The following ZBTB49 variants were observed in gnomAD, a reference collection of about 807,000 sequenced individuals.
ZBTB49 encodes zinc finger and BTB domain containing 49, also known as zinc finger and BTB domain-containing protein 49.
In ZBTB49, 43 loss-of-function variants were observed where a neutral mutation model predicts 57.5. The observed-to-expected ratio is 0.75, with a 90% CI of 0.59 to 0.97. The LOEUF is 0.97. Ranked by LOEUF, ZBTB49 falls within the 50% of genes least tolerant of loss-of-function variation. ZBTB49 has a pLI of 0.00. For synonymous variants in ZBTB49, 369 were observed against 362.1 expected (o/e 1.02, Z -0.22); for missense variants, 938 against 947.7 (o/e 0.99, Z 0.13).
In ZBTB49 at chr4:4,300,009, G is replaced by C. The variant is rs1285726105; in HGVS notation, c.64G>C (p.Gly22Arg). The C allele has an allele frequency of 6.2e-7, 1 of 1,614,042 alleles. No homozygotes were observed. The highest frequency in any genetic ancestry group is 8.5e-7 in the Non-Finnish European group (1 of 1,180,042). Residue 22 changes from glycine (G) to arginine (R), a missense_variant, in exon 2 of 8, where the codon GGC becomes CGC. Transcript: ENST00000337872. ...LQQLHEQRIQ[G>R]LLCDCMLVVK... ...GCAACTGCATGAGCAGCGAATCCAA[G>C]GCCTGCTTTGTGACTGTATGTTGGT...
chr4:4,311,475 T>C (rs1720977629), intron 4 of ZBTB49, among the ~76,000 whole-genome samples: 1 of 152,246 alleles, frequency 6.6e-6, no homozygotes, highest in African/African-American at 2.4e-5. Context: ...ATATTGAATA[T>C]TCAAAACACA....
At chr4:4,294,380 G>A (rs1443806479) in intron 1 of ZBTB49, among the ~76,000 whole-genome samples, 1 of 152,094 alleles carries the variant, frequency 6.6e-6, no homozygotes, top group African/African-American at 2.4e-5. Flanking sequence ...ATTTTGAGAT[G>A]GAGTCTCGTT....
chr4:4,295,493 C>T (rs1475198287), intron 1 of ZBTB49, among the ~76,000 whole-genome samples: 1 of 152,128 alleles, frequency 6.6e-6, no homozygotes, highest in Admixed American at 6.5e-5. Context: ...ATATGATATG[C>T]TTAGCACAGG....
chr4:4,314,934 C>T (rs1372019554), intron 5 of ZBTB49, among the ~76,000 whole-genome samples: 2 of 152,216 alleles, frequency 1.3e-5, no homozygotes, highest in African/African-American at 4.8e-5. Context: ...ATCACCTGCA[C>T]ACAGCATCTG....
In ZBTB49 at chr4:4,321,429, G is replaced by A. The variant is rs1449944501; in HGVS notation, c.*113G>A. On this transcript the variant is annotated 3_prime_UTR_variant, in exon 8 of 8. Transcript: ENST00000337872. Reference sequence around the variant, plus strand: ...GTGCCTTCTAACTAGCCAGAGAATAGGTAGCTTCCCTCCTGATGATGGCTC... The same window carrying A: ...GTGCCTTCTAACTAGCCAGAGAATAAGTAGCTTCCCTCCTGATGATGGCTC... 7 of 1,112,406 alleles carry A rather than the reference G, an allele frequency of 6.3e-6. No homozygotes were observed. Among genetic ancestry groups the A allele is most frequent in the Non-Finnish European group, 9.0e-6 (7 of 778,366 alleles). 68.9% of individuals were successfully genotyped at this position (1,112,406 alleles called of 1,614,324 possible). A position where few individuals can be genotyped will look rare whatever the true frequency, so the allele number is the denominator to read the frequency against.
intron 1 of ZBTB49, among the ~76,000 whole-genome samples, chr4:4,295,253 G>A (rs533867201): frequency 2.0e-5 from 3 of 152,294 alleles, no homozygotes; most frequent in African/African-American, 4.8e-5. Flanking sequence ...GGCAGAAGGC[G>A]AAGGGGAAGC....
At chr4:4,316,120 C>T in intron 7 of ZBTB49, 150 bp downstream of exon 7, 3 of 1,079,606 alleles carry the variant, frequency 2.8e-6, no homozygotes, top group South Asian at 3.3e-5. Context: ...TTCATTCCTG[C>T]ATTTGTGTGT....
chr4:4,318,680 G>C (rs1721285248), intron 7 of ZBTB49, among the ~76,000 whole-genome samples: 1 of 152,198 alleles, frequency 6.6e-6, no homozygotes, highest in Non-Finnish European at 1.5e-5. Context: ...AGCAGCCACC[G>C]TGTGCAGCAG....
rs764050716 is a variant in ZBTB49 at position 4,320,878 on chromosome 4, C to T, written c.1860C>T (p.Asp620=). The T allele has an allele frequency of 1.9e-6, 3 of 1,614,100 alleles. No individual in the cohort carries two copies. In the African/African-American group the frequency reaches 4.0e-5, roughly 22 times the overall value. ...KSQSSDSFSQ[D]TSVTLMPVSV... The stretch of plus-strand genomic sequence containing the variant: ...AGAGCTCAGACTCTTTCTCCCAAGA[C>T]ACGTCTGTGACGCTGATGCCAGTGT... Residue 620 remains aspartate (D), a synonymous_variant, in exon 8 of 8, where the codon GAC becomes GAT. Transcript: ENST00000337872.
chr4:4,305,816 T>A (rs919093184), intron 3 of ZBTB49, among the ~76,000 whole-genome samples: 1 of 152,236 alleles, frequency 6.6e-6, no homozygotes, highest in Non-Finnish European at 1.5e-5. Context: ...GGGATCGTGC[T>A]GTTCAGCAGG....
chr4:4,302,632 C>G lies in ZBTB49; in HGVS notation c.796C>G (p.Leu266Val). 1 of 1,612,384 alleles carries G rather than the reference C, an allele frequency of 6.2e-7. No homozygotes were observed. The part of the protein sequence containing the change: ...PCAVSHSECI[L>V]ESPEHLPSNF... Reference sequence around the variant, plus strand: ...TGCCGTCAGTCATTCTGAATGCATCCTGGAGTCTCCCGAGCACTTACCTTC... The same window carrying G: ...TGCCGTCAGTCATTCTGAATGCATCGTGGAGTCTCCCGAGCACTTACCTTC... Residue 266 changes from leucine to valine, a missense_variant, in exon 3 of 8, where the codon CTG becomes GTG. Coordinates refer to ENST00000337872, the MANE Select transcript of ZBTB49 (RefSeq NM_145291.4).
chr4:4,320,668 C>G lies in ZBTB49; in HGVS notation c.1650C>G (p.Leu550=). 1 of 1,614,144 alleles carries G rather than the reference C, an allele frequency of 6.2e-7. No homozygotes were observed. Among genetic ancestry groups the G allele is most frequent in the Non-Finnish European group, 8.5e-7 (1 of 1,180,038 alleles). Residue 550 remains leucine (L), a synonymous_variant, in exon 8 of 8, where the codon CTC becomes CTG. Coordinates refer to ENST00000337872, the MANE Select transcript of ZBTB49 (RefSeq NM_145291.4). ...AATGTTTTGGGGGATCAGGTGACCT[C>G]CGCAGGCATGTCCGCACTCACACTG... ...CGKCFGGSGD[L]RRHVRTHTGE...
intron 4 of ZBTB49, among the ~76,000 whole-genome samples, chr4:4,312,277 T>C (rs1250213313): frequency 6.6e-6 from 1 of 152,266 alleles, no homozygotes; most frequent in African/African-American, 2.4e-5. Flanking sequence ...CCAAACCTAA[T>C]TCGAAACATT....
intron 5 of ZBTB49, among the ~76,000 whole-genome samples, chr4:4,314,661 C>T (rs1464033851): frequency 3.9e-5 from 6 of 152,216 alleles, no homozygotes; most frequent in East Asian, 1.9e-4. Flanking sequence ...CGTGAGCCAC[C>T]GTGCCCAGCC....
chr4:4,306,114 A>G, intron 3 of ZBTB49, 24 bp from the exon 4 acceptor site: 3 of 1,606,944 alleles, frequency 1.9e-6, no homozygotes, highest in Non-Finnish European at 2.6e-6. Flanking sequence ...TGATTTTACA[A>G]GTTGTTGTTT....
At chr4:4,308,769 A>G (rs1443617312) in intron 4 of ZBTB49, among the ~76,000 whole-genome samples, 2 of 152,222 alleles carry the variant, frequency 1.3e-5, no homozygotes, top group Non-Finnish European at 2.9e-5. Context: ...AGACGTGTAA[A>G]TGATCGAGTA....
intron 5 of ZBTB49, 31 bp from the exon 6 acceptor site, chr4:4,315,605 C>T (rs373388689): frequency 6.2e-7 from 1 of 1,607,798 alleles, no homozygotes; most frequent in Non-Finnish European, 8.5e-7. Context: ...TGTGGAAAGG[C>T]TCTTAATTGA....
Position 4,307,739 on chromosome 4 carries a change from C to T in ZBTB49, c.1302+1555C>T, listed in dbSNP as rs377024103. ...GGTTTGATGGGAAAAGCATGAGACT[C>T]GGACTAATGACCATGAATAATTAGC... On this transcript the variant is annotated intron_variant, in intron 4 of 7. Transcript: ENST00000337872. Among the ~76,000 whole-genome samples the T allele has an allele frequency of 1.0e-3, 153 of 152,152 alleles. 1 individual carries two copies. Among genetic ancestry groups the T allele is most frequent in the African/African-American group, 3.2e-3 (134 of 41,506 alleles).
At chr4:4,291,809 A>G (rs1460339358) in intron 1 of ZBTB49, among the ~76,000 whole-genome samples, 1 of 152,150 alleles carries the variant, frequency 6.6e-6, no homozygotes, top group South Asian at 2.1e-4. Context: ...CTCCCTCCCA[A>G]ATTAATTTCT....
Sources: allele counts gnomAD v4.1 joint callset (sites outside exome capture counted in the v4.1 genomes callset), GRCh38; gene constraint gnomAD v4.1.1; transcripts MANE v1.5; gene names NCBI Gene and HGNC (gene_info 2026-07-23, HGNC 2026-07-21).